TNNI3K: variants seen among roughly 807,000 people sequenced by gnomAD.
TNNI3K encodes TNNI3 interacting kinase.
A neutral mutation model predicts 114.5 loss-of-function variants in TNNI3K; 140 were observed. That is an observed-to-expected ratio of 1.22 (90% CI 1.07 to 1.41). TNNI3K has a LOEUF of 1.41. Among genes scored for constraint, TNNI3K ranks in the 40% most tolerant of loss-of-function variants. The probability of loss-of-function intolerance (pLI) is 0.00; values close to 1 mark genes in which losing one functional copy is unlikely to be tolerated. For synonymous variants in TNNI3K, 347 were observed against 347.5 expected (o/e 1.00, Z 0.02); for missense variants, 1,125 against 1,007.6 (o/e 1.12, Z -1.58).
chr1:74,317,994 C>T (rs1283191359), intron 5 of TNNI3K, among the ~76,000 whole-genome samples: 4 of 152,198 alleles, frequency 2.6e-5, no homozygotes, highest in Non-Finnish European at 4.4e-5. Context: ...TCTCCAGACT[C>T]TCAACTATGT....
intron 4 of TNNI3K, among the ~76,000 whole-genome samples, chr1:74,269,126 A>T (rs115233209): frequency 6.6e-6 from 1 of 151,884 alleles, no homozygotes; most frequent in African/African-American, 2.4e-5. Context: ...TCTACCATTT[A>T]TCTCAAAAGT....
At chr1:74,450,817 A>G (rs929783066) in intron 20 of TNNI3K, among the ~76,000 whole-genome samples, 4 of 152,202 alleles carry the variant, frequency 2.6e-5, no homozygotes, top group Admixed American at 6.5e-5. Context: ...AATTGGTTCA[A>G]CCATCATGGA....
At chr1:74,486,465 T>C (rs1289316603) in intron 21 of TNNI3K, among the ~76,000 whole-genome samples, 1 of 151,270 alleles carries the variant, frequency 6.6e-6, no homozygotes, top group Non-Finnish European at 1.5e-5. Flanking sequence ...GATAGAGTAG[T>C]CAAACATCAT....
At chr1:74,439,288 G>C in intron 19 of TNNI3K, 1 of 653,244 alleles carries the variant, frequency 1.5e-6, no homozygotes, top group Non-Finnish European at 2.2e-6. Flanking sequence ...TTGAGGAACT[G>C]AACAGCCACA....
intron 11 of TNNI3K, chr1:74,366,509 G>T (rs781635700): frequency 6.6e-6 from 1 of 151,970 alleles, no homozygotes; most frequent in Non-Finnish European, 1.5e-5. Context: ...TCAGTGGATG[G>T]CTTTCTTCCA....
intron 5 of TNNI3K, among the ~76,000 whole-genome samples, chr1:74,309,400 T>A (rs939977971): frequency 3.0e-5 from 4 of 132,710 alleles, no homozygotes; most frequent in Non-Finnish European, 6.4e-5. Flanking sequence ...AATATCAATC[T>A]TACTGAAACT....
At chr1:74,309,090 C>T (rs1363383079) in intron 5 of TNNI3K, among the ~76,000 whole-genome samples, 8 of 152,016 alleles carry the variant, frequency 5.3e-5, no homozygotes, top group Middle Eastern at 3.2e-3. Flanking sequence ...AGAGATAGGC[C>T]GGGCGCGGTG....
chr1:74,246,827 T>A (rs976331888), intron 2 of TNNI3K, among the ~76,000 whole-genome samples: 8 of 152,216 alleles, frequency 5.3e-5, no homozygotes, highest in Admixed American at 1.3e-4. Context: ...TGTTATGTTT[T>A]GCTGTTTTCA....
chr1:74,444,672 G>GA (rs1057316093), intron 20 of TNNI3K, among the ~76,000 whole-genome samples: 1 of 151,580 alleles, frequency 6.6e-6, no homozygotes, highest in Non-Finnish European at 1.5e-5. Context: ...CACAGAATTA[G>GA]AAAAAAAATT....
At position 74,336,002 on chromosome 1, in the gene TNNI3K, A is replaced by T; in HGVS notation, c.544-9A>T. On this transcript the variant is annotated splice_polypyrimidine_tract_variant and intron_variant, in intron 6 of 24. Transcript: ENST00000326637. The stretch of plus-strand genomic sequence containing the variant: ...TTTTATACTGATTTCAAATGAATAA[A>T]TCCTTTAGGTAACTCGCCTTCTTTT... The T allele has an allele frequency of 6.4e-7, 1 of 1,562,288 alleles. No individual in the cohort carries two copies. The highest frequency in any genetic ancestry group is 8.6e-7 in the Non-Finnish European group (1 of 1,163,114).
chr1:74,292,861 C>T (rs548881), intron 5 of TNNI3K, among the ~76,000 whole-genome samples: 21,468 of 151,350 alleles, frequency 0.14, 1,580 homozygotes, highest in South Asian at 0.23. Flanking sequence ...TATTTTGATG[C>T]TATGTGTTAT....
intron 9 of TNNI3K, among the ~76,000 whole-genome samples, chr1:74,343,448 A>G (rs551098976): frequency 1.1e-4 from 16 of 152,218 alleles, no homozygotes; most frequent in Non-Finnish European, 2.2e-4. Flanking sequence ...TGCCAAGGCA[A>G]CAGGCATATC....
intron 21 of TNNI3K, among the ~76,000 whole-genome samples, chr1:74,483,991 A>T (rs1347059010): frequency 6.6e-6 from 1 of 152,170 alleles, no homozygotes; most frequent in Non-Finnish European, 1.5e-5. Context: ...TTAGAAAAAA[A>T]TATTTCTTTT....
At chr1:74,256,832 T>G (rs1208465720) in intron 4 of TNNI3K, among the ~76,000 whole-genome samples, 1 of 152,130 alleles carries the variant, frequency 6.6e-6, no homozygotes, top group Non-Finnish European at 1.5e-5. Context: ...AGAATTTTTG[T>G]GTTAAACATT....
intron 7 of TNNI3K, among the ~76,000 whole-genome samples, chr1:74,338,681 C>T (rs1660601907): frequency 6.6e-6 from 1 of 151,998 alleles, no homozygotes; most frequent in African/African-American, 2.4e-5. Flanking sequence ...TTTTATCTAC[C>T]CATAAGGAAT....
At chr1:74,464,241 A>G (rs1431090822) in intron 21 of TNNI3K, among the ~76,000 whole-genome samples, 1 of 152,210 alleles carries the variant, frequency 6.6e-6, no homozygotes, top group Non-Finnish European at 1.5e-5. Context: ...AGTGTCACCG[A>G]GGAGATTGCA....
chr1:74,262,579 G>A (rs554733897), intron 4 of TNNI3K, among the ~76,000 whole-genome samples: 4 of 149,928 alleles, frequency 2.7e-5, no homozygotes, highest in Non-Finnish European at 5.9e-5. Context: ...CCCACTTTTT[G>A]CATATTTAAC....
chr1:74,424,416 T>C (rs1263705383), intron 17 of TNNI3K, among the ~76,000 whole-genome samples: 1 of 151,836 alleles, frequency 6.6e-6, no homozygotes. Context: ...GAATATTGAT[T>C]ATAAAGAAGA....
At chr1:74,274,683 G>T (rs1656562530) in intron 5 of TNNI3K, among the ~76,000 whole-genome samples, 1 of 152,012 alleles carries the variant, frequency 6.6e-6, no homozygotes, top group Non-Finnish European at 1.5e-5. Context: ...TGATAATTGG[G>T]AATACAGGTG....
Sources: gnomAD v4.1 joint callset for allele counts (sites outside exome capture counted in the v4.1 genomes callset) on GRCh38, gnomAD v4.1.1 for gene constraint, MANE v1.5 for transcripts, NCBI Gene and HGNC (gene_info 2026-07-23, HGNC 2026-07-21) for gene names.